Variants in LRCH1 observed in about 807,000 individuals in gnomAD.
The protein encoded by LRCH1 is leucine rich repeats and calponin homology domain containing 1.
Under a neutral mutation model 94.9 loss-of-function variants are expected in LRCH1, and 23 were observed. That is an observed-to-expected ratio of 0.24 (90% CI 0.17 to 0.34). LRCH1 has a LOEUF of 0.34. Ranked by LOEUF, LRCH1 falls within the 10% of genes least tolerant of loss-of-function variation. The probability of loss-of-function intolerance (pLI) is 1.00; values close to 1 mark genes in which losing one functional copy is unlikely to be tolerated. For synonymous variants in LRCH1, 364 were observed against 354.9 expected (o/e 1.03, Z -0.29); for missense variants, 790 against 945.9 (o/e 0.84, Z 2.16).
At chr13:46,614,107 C>G (rs937078951) in intron 1 of LRCH1, among the ~76,000 whole-genome samples, 3 of 44,046 alleles carry the variant, frequency 6.8e-5, no homozygotes, top group Non-Finnish European at 1.1e-4. Flanking sequence ...CACATAGTTA[C>G]CTTTCTTTTT....
exon 19 of LRCH1, chr13:46,750,557 C>T (rs1426486863): frequency 1.3e-6 from 2 of 1,551,168 alleles, no homozygotes; most frequent in Non-Finnish European, 1.7e-6. Flanking sequence ...TATGTCTCCC[C>T]CACCACATCC....
intron 3 of LRCH1, among the ~76,000 whole-genome samples, chr13:46,672,965 T>C (rs751804966): frequency 2.6e-5 from 4 of 152,194 alleles, no homozygotes; most frequent in Admixed American, 6.5e-5. Flanking sequence ...CCTGTGGAAA[T>C]ATAATGTAAG....
chr13:46,675,586 T>A (rs774263429), intron 3 of LRCH1, among the ~76,000 whole-genome samples: 30 of 152,056 alleles, frequency 2.0e-4, no homozygotes, highest in Non-Finnish European at 3.4e-4. Flanking sequence ...GTGTGGAGAG[T>A]TTGGATTCAA....
At chr13:46,603,728 C>T (rs535350751) in intron 1 of LRCH1, among the ~76,000 whole-genome samples, 1 of 152,304 alleles carries the variant, frequency 6.6e-6, no homozygotes, top group South Asian at 2.1e-4. Flanking sequence ...CTGATCTTGG[C>T]TTACTGCAGC....
intron 1 of LRCH1, among the ~76,000 whole-genome samples, chr13:46,641,523 C>T (rs1208019017): frequency 2.0e-5 from 3 of 152,154 alleles, no homozygotes; most frequent in African/African-American, 2.4e-5. Context: ...TAAATTTCCA[C>T]GATAACATGT....
In LRCH1 at chr13:46,698,303, A is replaced by G. The variant is rs149228732; in HGVS notation, c.1246-1033A>G. Among the ~76,000 whole-genome samples, 17 of 152,274 alleles carry G rather than the reference A, an allele frequency of 1.1e-4. No homozygotes were observed. The East Asian group carries it at 1.5e-3, about 14-fold the overall frequency. On this transcript the variant is annotated intron_variant, in intron 9 of 19. Coordinates refer to ENST00000389797, the MANE Select transcript of LRCH1 (RefSeq NM_001164211.2). ...CTCCTAGCTAGGGAAATGTGGCCCT[A>G]TTCAGGCTGGCTTTCATTCTAGCCA...
At chr13:46,730,814 A>G (rs779672785) in intron 18 of LRCH1, among the ~76,000 whole-genome samples, 1 of 152,204 alleles carries the variant, frequency 6.6e-6, no homozygotes, top group Non-Finnish European at 1.5e-5. Flanking sequence ...GAGAGACACA[A>G]CAGACACCTC....
intron 1 of LRCH1, among the ~76,000 whole-genome samples, chr13:46,638,343 C>A (rs560623142): frequency 6.6e-6 from 1 of 152,208 alleles, no homozygotes; most frequent in African/African-American, 2.4e-5. Context: ...GCAATAATTC[C>A]TCCTTTGACT....
chr13:46,746,188 ACTCT>A (rs1178870183), downstream of LRCH1, among the ~76,000 whole-genome samples: 1 of 151,836 alleles, frequency 6.6e-6, no homozygotes, highest in Non-Finnish European at 1.5e-5. Flanking sequence ...AGTTACTTGA[ACTCT>A]CTCTCTATAT....
At chr13:46,614,026 A>G (rs996184008) in intron 1 of LRCH1, among the ~76,000 whole-genome samples, 3 of 152,052 alleles carry the variant, frequency 2.0e-5, no homozygotes, top group African/African-American at 7.3e-5. Flanking sequence ...TTGAAAGTAT[A>G]CAACATGATA....
chr13:46,743,138 T>A lies in LRCH1; in HGVS notation c.*1290T>A. Reference sequence around the variant, plus strand: ...AATCTTGTTTCTTAGCTTGGGGAGATGATGGACTTAGCTTCCTCAAGATAA... The same window carrying A: ...AATCTTGTTTCTTAGCTTGGGGAGAAGATGGACTTAGCTTCCTCAAGATAA... On this transcript the variant is annotated 3_prime_UTR_variant, in exon 20 of 20. Coordinates refer to ENST00000389797, the MANE Select transcript of LRCH1 (RefSeq NM_001164211.2). 1 of 985,498 alleles carries A rather than the reference T, an allele frequency of 1.0e-6. No homozygotes were observed. Among genetic ancestry groups the A allele is most frequent in the Non-Finnish European group, 1.2e-6 (1 of 829,918 alleles). 61.0% of individuals were successfully genotyped at this position (985,498 alleles called of 1,614,324 possible). A position where few individuals can be genotyped will look rare whatever the true frequency, so the allele number is the denominator to read the frequency against.
intron 1 of LRCH1, among the ~76,000 whole-genome samples, chr13:46,622,191 T>G (rs1297811254): frequency 1.7e-5 from 1 of 57,880 alleles, no homozygotes; most frequent in African/African-American, 6.8e-5. Flanking sequence ...TCTATGGGTT[T>G]TTTTTTTTTT....
rs985992264 is a variant in LRCH1 at position 46,553,356 on chromosome 13, C to A, written c.-41C>A. 7.2e-5 allele frequency: 108 copies of A among 1,493,312 alleles called. No homozygotes were observed. Among genetic ancestry groups the A allele is most frequent in the Non-Finnish European group, 9.3e-5 (104 of 1,116,410 alleles). The allele number at this position is 1,493,312 out of a possible 1,614,324, so 92.5% of individuals were successfully genotyped here. A position where few individuals can be genotyped will look rare whatever the true frequency, so the allele number is the denominator to read the frequency against. ...CCTCGCGGGGAACGCTGTGACCCCCCCGCAGGAGCGGCGGGGCGGGGTGGG... is the reference window on the plus strand; with the variant it reads ...CCTCGCGGGGAACGCTGTGACCCCCACGCAGGAGCGGCGGGGCGGGGTGGG... On this transcript the variant is annotated 5_prime_UTR_variant, in exon 1 of 20. Coordinates refer to ENST00000389797, the MANE Select transcript of LRCH1 (RefSeq NM_001164211.2).
intron 13 of LRCH1, 90 bp from the exon 14 acceptor site, chr13:46,711,701 G>C: frequency 1.1e-6 from 1 of 896,236 alleles, no homozygotes; most frequent in Non-Finnish European, 1.8e-6. Context: ...TATGGACCGG[G>C]GACATGATGG....
intron 1 of LRCH1, among the ~76,000 whole-genome samples, chr13:46,619,630 GCT>G (rs2038685353): frequency 6.6e-6 from 1 of 152,200 alleles, no homozygotes; most frequent in South Asian, 2.1e-4. Flanking sequence ...GTAACCTTAT[GCT>G]TAGAAAGAAA....
chr13:46,676,261 G>C (rs1407396435), intron 3 of LRCH1, among the ~76,000 whole-genome samples: 1 of 151,954 alleles, frequency 6.6e-6, no homozygotes, highest in Non-Finnish European at 1.5e-5. Context: ...CGTCTCGGTG[G>C]GGTGGGGGGA....
chr13:46,651,443 C>T (rs1037251232), intron 2 of LRCH1, among the ~76,000 whole-genome samples: 2 of 151,930 alleles, frequency 1.3e-5, no homozygotes, highest in South Asian at 2.1e-4. Flanking sequence ...GCGGAGGGAT[C>T]GCCTGTCAGG....
chr13:46,597,843 G>A (rs1217362089), intron 1 of LRCH1, among the ~76,000 whole-genome samples: 5 of 151,962 alleles, frequency 3.3e-5, no homozygotes, highest in East Asian at 1.9e-4. Context: ...ATAAAATGAC[G>A]TTATAAGTTG....
chr13:46,630,288 C>T (rs1322517738), intron 1 of LRCH1, among the ~76,000 whole-genome samples: 8 of 152,116 alleles, frequency 5.3e-5, no homozygotes, highest in Non-Finnish European at 7.4e-5. Context: ...CTGTTCCTTC[C>T]TGTGACAGTT....
Sources: gnomAD v4.1 joint callset for allele counts (sites outside exome capture counted in the v4.1 genomes callset) on GRCh38, gnomAD v4.1.1 for gene constraint, MANE v1.5 for transcripts, NCBI Gene and HGNC (gene_info 2026-07-23, HGNC 2026-07-21) for gene names.